Variants in NRBF2 observed in about 807,000 individuals in gnomAD.
The protein encoded by NRBF2 is nuclear receptor-binding factor 2.
Under a neutral mutation model 28.5 loss-of-function variants are expected in NRBF2, and 12 were observed. The observed-to-expected ratio is 0.42, with a 90% CI of 0.27 to 0.68. The LOEUF is 0.68. Ranked by LOEUF, NRBF2 falls within the 30% of genes least tolerant of loss-of-function variation. The probability of loss-of-function intolerance (pLI) is 0.24; values close to 1 mark genes in which losing one functional copy is unlikely to be tolerated. For synonymous variants in NRBF2, 102 were observed against 116.5 expected (o/e 0.88, Z 0.80); for missense variants, 274 against 333.5 (o/e 0.82, Z 1.39).
chr10:63,137,902 A>G (rs942797031), intron 1 of NRBF2, among the ~76,000 whole-genome samples: 2 of 152,186 alleles, frequency 1.3e-5, no homozygotes, highest in Non-Finnish European at 2.9e-5. Context: ...AATTATTGCT[A>G]AGTGGTAGGA....
At chr10:63,139,444 T>C (rs1222557264) in intron 1 of NRBF2, among the ~76,000 whole-genome samples, 2 of 152,242 alleles carry the variant, frequency 1.3e-5, no homozygotes, top group South Asian at 2.1e-4. Context: ...GCAGTTAGCA[T>C]GTGGAAGTAA....
chr10:63,146,314 C>T (rs776282344), intron 2 of NRBF2, 21 bp downstream of exon 2: 3 of 1,556,912 alleles, frequency 1.9e-6, no homozygotes, highest in South Asian at 2.3e-5. Context: ...TTATTAAGTA[C>T]TCAGTGTAAA....
chr10:63,138,809 C>T (rs149938887), intron 1 of NRBF2, among the ~76,000 whole-genome samples: 18 of 151,832 alleles, frequency 1.2e-4, no homozygotes, highest in African/African-American at 2.7e-4. Flanking sequence ...AGTATAATTG[C>T]GTTATATTAC....
At chr10:63,135,186 CAAAT>C (rs753458958) in intron 1 of NRBF2, among the ~76,000 whole-genome samples, 12 of 152,230 alleles carry the variant, frequency 7.9e-5, no homozygotes, top group South Asian at 2.1e-4. Flanking sequence ...GACTCTGACT[CAAAT>C]AACCAGGGAA....
intron 1 of NRBF2, among the ~76,000 whole-genome samples, chr10:63,140,293 T>C (rs1841443646): frequency 1.3e-5 from 2 of 152,140 alleles, no homozygotes; most frequent in Admixed American, 1.3e-4. Flanking sequence ...ACGTAACCCA[T>C]CAAGCAATTA....
chr10:63,143,958 A>G (rs546255494), intron 1 of NRBF2, among the ~76,000 whole-genome samples: 83 of 151,716 alleles, frequency 5.5e-4, no homozygotes, highest in African/African-American at 1.9e-3. Flanking sequence ...GGTTTTCACC[A>G]TATTGCCCAG....
intron 1 of NRBF2, among the ~76,000 whole-genome samples, chr10:63,143,073 G>A (rs578031347): frequency 6.6e-6 from 1 of 152,112 alleles, no homozygotes; most frequent in South Asian, 2.1e-4. Context: ...GAGCCACTGC[G>A]CCCAGCCTAC....
chr10:63,144,475 C>T (rs902120248), intron 1 of NRBF2, among the ~76,000 whole-genome samples: 2 of 145,886 alleles, frequency 1.4e-5, no homozygotes, highest in African/African-American at 5.1e-5. Flanking sequence ...AGTGGAGTGG[C>T]GCGATCTCGG....
chr10:63,154,164 A>G lies in NRBF2; in HGVS notation c.810A>G (p.Glu270=). The G allele has an allele frequency of 6.2e-7, 1 of 1,612,890 alleles. No individual in the cohort carries two copies. The highest frequency in any genetic ancestry group is 8.5e-7 in the Non-Finnish European group (1 of 1,179,028). Residue 270 remains glutamate (E), a synonymous_variant, in exon 4 of 4, where the codon GAA becomes GAG. Transcript: ENST00000277746. ...CTCCCTTGGATTTTCCATCTCCAGA[A>G]CTTCCTCTTATGGAGCTCTCTGAGG... is the stretch of plus-strand genomic sequence containing the variant. ...NLPPLDFPSP[E]LPLMELSEDI...
Position 63,146,306 on chromosome 10 carries a change from A to G in NRBF2, c.115+13A>G. ...AAAAAGGCTGCAGGTGAGTATTCTT[A>G]TTAAGTACTCAGTGTAAAACTGAAG... On this transcript the variant is annotated intron_variant, in intron 2 of 3. Transcript: ENST00000277746. 1 of 1,573,882 alleles carries G rather than the reference A, an allele frequency of 6.4e-7. No individual in the cohort carries two copies. Among genetic ancestry groups the G allele is most frequent in the Non-Finnish European group, 8.7e-7 (1 of 1,147,946 alleles).
chr10:63,133,429 C>T lies in NRBF2; in HGVS notation c.-42C>T. The T allele has an allele frequency of 1.2e-6, 2 of 1,610,588 alleles. No homozygotes were observed. The highest frequency in any genetic ancestry group is 1.1e-5 in the South Asian group (1 of 90,698). On this transcript the variant is annotated 5_prime_UTR_variant, in exon 1 of 4. Coordinates refer to ENST00000277746, the MANE Select transcript of NRBF2 (RefSeq NM_030759.5). ...GCAGTCCCCTCCATGTTCCCCGGCGCCACTACTCCCCTTCCTAAGGCCGCC... is the reference window on the plus strand; with the variant it reads ...GCAGTCCCCTCCATGTTCCCCGGCGTCACTACTCCCCTTCCTAAGGCCGCC...
At chr10:63,148,125 A>G (rs944278904) in intron 2 of NRBF2, among the ~76,000 whole-genome samples, 1 of 152,222 alleles carries the variant, frequency 6.6e-6, no homozygotes. Context: ...TATGTTAGGC[A>G]CTGAGCTATG....
intron 1 of NRBF2, among the ~76,000 whole-genome samples, chr10:63,142,293 G>GTTTTTTTTTTTTTTTTTTTTTT (rs1261835924): frequency 7.4e-6 from 1 of 135,532 alleles, no homozygotes; most frequent in Non-Finnish European, 1.6e-5. Context: ...CAGAACCTTT[G>GTTTTTTTTTTTTTTTTTTTTTT]TTTTTTTTGT....
intron 2 of NRBF2, among the ~76,000 whole-genome samples, chr10:63,148,153 A>G (rs1040078587): frequency 6.6e-6 from 1 of 152,232 alleles, no homozygotes; most frequent in Admixed American, 6.5e-5. Context: ...ATGAATATAT[A>G]AAGAGAAGGA....
At chr10:63,149,449 T>C (rs1423919115) in intron 2 of NRBF2, among the ~76,000 whole-genome samples, 1 of 152,254 alleles carries the variant, frequency 6.6e-6, no homozygotes, top group African/African-American at 2.4e-5. Context: ...CTTTAAATTT[T>C]AGCCTCGTGT....
chr10:63,147,607 C>T (rs1034578507), intron 2 of NRBF2, among the ~76,000 whole-genome samples: 2 of 136,286 alleles, frequency 1.5e-5, no homozygotes, highest in Non-Finnish European at 3.1e-5. Context: ...CCACTGCTCT[C>T]AGCCTTTTTT....
chr10:63,154,239 GGGAAAAGA>G lies in NRBF2; in HGVS notation c.*27_*34del, dbSNP rs776353222. The G allele has an allele frequency of 2.1e-6, 3 of 1,410,492 alleles. No homozygotes were observed. The highest frequency in any genetic ancestry group is 2.0e-6 in the Non-Finnish European group (2 of 1,022,004). The allele number at this position is 1,410,492 out of a possible 1,614,324, so 87.4% of individuals were successfully genotyped here. On this transcript the variant is annotated 3_prime_UTR_variant, in exon 4 of 4. Transcript: ENST00000277746. ...ATTAAAATGGAAGGCCACAGAAAAG[GGGAAAAGA>G]GGAAATAATACAGTAATCGTTAATC...
At chr10:63,151,804 G>A (rs925060122) in intron 2 of NRBF2, among the ~76,000 whole-genome samples, 11 of 152,164 alleles carry the variant, frequency 7.2e-5, no homozygotes, top group African/African-American at 1.9e-4. Context: ...ATAATCTCAT[G>A]ATATTTTTGT....
At chr10:63,142,780 C>CTTTCTTTTTTTTTTTTTTTTTT (rs1554821458) in intron 1 of NRBF2, among the ~76,000 whole-genome samples, 2 of 74,900 alleles carry the variant, frequency 2.7e-5, no homozygotes, top group African/African-American at 1.2e-4. Flanking sequence ...TTCTTTCTTT[C>CTTTCTTTTTTTTTTTTTTTTTT]TTTTTTTTTT....
Sources: gnomAD v4.1 joint callset for allele counts (sites outside exome capture counted in the v4.1 genomes callset) on GRCh38, gnomAD v4.1.1 for gene constraint, MANE v1.5 for transcripts, NCBI Gene and HGNC (gene_info 2026-07-23, HGNC 2026-07-21) for gene names.